SYNDIG1: variants seen among roughly 807,000 people sequenced by gnomAD.
The protein encoded by SYNDIG1 is synapse differentiation-inducing gene protein 1.
Under a neutral mutation model 19.4 loss-of-function variants are expected in SYNDIG1, and 9 were observed. That is an observed-to-expected ratio of 0.46 (90% CI 0.28 to 0.81). The LOEUF is 0.81. SYNDIG1 is among the 30% of genes least tolerant of loss of function. The probability of loss-of-function intolerance (pLI) is 0.12; values close to 1 mark genes in which losing one functional copy is unlikely to be tolerated. For synonymous variants in SYNDIG1, 141 were observed against 145.9 expected (o/e 0.97, Z 0.24); for missense variants, 311 against 343.3 (o/e 0.91, Z 0.74).
At chr20:24,560,131 C>T (rs559019092) in intron 2 of SYNDIG1, among the ~76,000 whole-genome samples, 100 of 126,962 alleles carry the variant, frequency 7.9e-4, no homozygotes, top group African/African-American at 2.3e-3. Context: ...TGCAGTGGCG[C>T]GATCTCAGCT....
intron 2 of SYNDIG1, among the ~76,000 whole-genome samples, chr20:24,557,744 C>G (rs1428091839): frequency 6.6e-6 from 1 of 152,122 alleles, no homozygotes; most frequent in African/African-American, 2.4e-5. Flanking sequence ...TTAGGCTGCT[C>G]GGGGGTCAGG....
chr20:24,614,997 C>T (rs2058907912), intron 3 of SYNDIG1, among the ~76,000 whole-genome samples: 2 of 152,182 alleles, frequency 1.3e-5, no homozygotes, highest in Admixed American at 6.5e-5. Context: ...AATTAACAAG[C>T]TTATGTTTCA....
intron 3 of SYNDIG1, among the ~76,000 whole-genome samples, chr20:24,664,852 G>T (rs575558410): frequency 6.6e-6 from 1 of 152,112 alleles, no homozygotes; most frequent in Non-Finnish European, 1.5e-5. Flanking sequence ...AGTTTCTCTC[G>T]GGGAAATGGG....
intron 1 of SYNDIG1, among the ~76,000 whole-genome samples, chr20:24,488,631 A>G (rs547550406): frequency 6.6e-6 from 1 of 152,354 alleles, no homozygotes; most frequent in African/African-American, 2.4e-5. Context: ...TGGGCATCAC[A>G]TTGGCTCTTG....
chr20:24,485,920 C>T (rs1317243235), intron 1 of SYNDIG1, among the ~76,000 whole-genome samples: 1 of 152,026 alleles, frequency 6.6e-6, no homozygotes, highest in South Asian at 2.1e-4. Flanking sequence ...TGGACAGAGA[C>T]CCCCCCAGGA....
intron 3 of SYNDIG1, among the ~76,000 whole-genome samples, chr20:24,663,676 C>T (rs1238188684): frequency 6.6e-6 from 1 of 152,166 alleles, no homozygotes; most frequent in Non-Finnish European, 1.5e-5. Context: ...CTCATGAGCT[C>T]GGGAAGCCCG....
intron 3 of SYNDIG1, among the ~76,000 whole-genome samples, chr20:24,619,083 A>T (rs1345780938): frequency 1.3e-5 from 2 of 152,200 alleles, no homozygotes; most frequent in Non-Finnish European, 2.9e-5. Flanking sequence ...GCCTCCTGGA[A>T]TTTAAAACTG....
chr20:24,540,520 T>C (rs536190944), intron 1 of SYNDIG1, among the ~76,000 whole-genome samples: 3 of 152,296 alleles, frequency 2.0e-5, no homozygotes, highest in Non-Finnish European at 4.4e-5. Flanking sequence ...AAATATAGCT[T>C]TTATTTTGTT....
chr20:24,618,949 T>A (rs531322077), intron 3 of SYNDIG1, among the ~76,000 whole-genome samples: 165 of 152,336 alleles, frequency 1.1e-3, no homozygotes, highest in African/African-American at 3.9e-3. Context: ...AAAAATATCA[T>A]CAAATAATAT....
At chr20:24,527,825 C>T (rs901318171) in intron 1 of SYNDIG1, among the ~76,000 whole-genome samples, 1 of 152,186 alleles carries the variant, frequency 6.6e-6, no homozygotes, top group Non-Finnish European at 1.5e-5. Context: ...TCCCTTTCCA[C>T]CCTGAGTAAG....
At chr20:24,640,894 G>A (rs2059369586) in intron 3 of SYNDIG1, among the ~76,000 whole-genome samples, 1 of 152,204 alleles carries the variant, frequency 6.6e-6, no homozygotes, top group South Asian at 2.1e-4. Flanking sequence ...CGCATGGGCA[G>A]GTGCCTGCCA....
In SYNDIG1 at chr20:24,593,839, G is replaced by GA. The variant is rs1010108101; in HGVS notation, c.618+8854dup. On this transcript the variant is annotated intron_variant, in intron 3 of 3. Coordinates refer to ENST00000376862, the MANE Select transcript of SYNDIG1 (RefSeq NM_024893.3). ...GTTGGCTGCATGTATGTCTTCTTTT[G>GA]AAAAAAAATCCATCGTGTCCTTTGC... Among the ~76,000 whole-genome samples the GA allele has an allele frequency of 5.8e-4, 88 of 151,752 alleles. 1 individual carries two copies. Among genetic ancestry groups the GA allele is most frequent in the Admixed American group, 4.1e-3 (62 of 15,240 alleles).
chr20:24,666,534 T>C lies in SYNDIG1; in HGVS notation c.*1030T>C, dbSNP rs1001185364. On this transcript the variant is annotated 3_prime_UTR_variant, in exon 4 of 4. Coordinates refer to ENST00000376862, the MANE Select transcript of SYNDIG1 (RefSeq NM_024893.3). The stretch of plus-strand genomic sequence containing the variant: ...GTAATCACAGACATTTTAATACCAT[T>C]TCATTGCTGTTTTACGAGTGTTCAT... 6 of 152,672 alleles carry C rather than the reference T, an allele frequency of 3.9e-5. No homozygotes were observed. Among genetic ancestry groups the C allele is most frequent in the African/African-American group, 1.4e-4 (6 of 41,470 alleles). 9.5% of individuals were successfully genotyped at this position (152,672 alleles called of 1,614,324 possible).
chr20:24,585,056 G>GCCCCCCC, intron 3 of SYNDIG1, 63 bp downstream of exon 3: 5 of 545,648 alleles, frequency 9.2e-6, no homozygotes, highest in East Asian at 5.0e-5. Flanking sequence ...GGTGGGGGCG[G>GCCCCCCC]CAATCCCAGC....
At position 24,548,185 on chromosome 20, in the gene SYNDIG1, G is replaced by A. The variant is rs180922192; in HGVS notation, c.480+4608G>A. On this transcript the variant is annotated intron_variant, in intron 2 of 3. Transcript: ENST00000376862. ...GGGTGTTTCCAAGATCACACACGTG[G>A]CTCTGCTGTCAGCCCTTGGATCTGA... is the stretch of plus-strand genomic sequence containing the variant. Among the ~76,000 whole-genome samples the A allele has an allele frequency of 3.0e-3, 455 of 152,324 alleles. 1 individual carries two copies. Among genetic ancestry groups the A allele is most frequent in the African/African-American group, 0.01 (424 of 41,564 alleles).
chr20:24,656,807 CAGGGCCAGATG>C (rs2059529985), intron 3 of SYNDIG1, among the ~76,000 whole-genome samples: 1 of 152,238 alleles, frequency 6.6e-6, no homozygotes, highest in Non-Finnish European at 1.5e-5. Flanking sequence ...TCTCCCTGGC[CAGGGCCAGATG>C]TTTATCCCCT....
rs943040284 is a variant in SYNDIG1, at chr20:24,525,293, T to C, written c.-78-17727T>C. ...TACATACTTCTTCTTCTTCTTTTTT[T>C]TTTTTTTTTTTTTTTTGAGACAGAG... On this transcript the variant is annotated intron_variant, in intron 1 of 3. Coordinates refer to ENST00000376862, the MANE Select transcript of SYNDIG1 (RefSeq NM_024893.3). Among the ~76,000 whole-genome samples, 323 of 143,486 alleles carry C rather than the reference T, an allele frequency of 2.3e-3. 2 individuals carry two copies. Among genetic ancestry groups the C allele is most frequent in the African/African-American group, 7.7e-3 (303 of 39,116 alleles). 94.1% of individuals were successfully genotyped at this position (143,486 alleles called of 152,430 possible). A position where few individuals can be genotyped will look rare whatever the true frequency, so the allele number is the denominator to read the frequency against.
At chr20:24,500,912 G>A (rs1230955709) in intron 1 of SYNDIG1, among the ~76,000 whole-genome samples, 1 of 152,126 alleles carries the variant, frequency 6.6e-6, no homozygotes, top group Non-Finnish European at 1.5e-5. Flanking sequence ...AGAACTCTGG[G>A]GAAGCCCTGA....
chr20:24,614,678 G>T (rs1041261039), intron 3 of SYNDIG1, among the ~76,000 whole-genome samples: 1 of 152,128 alleles, frequency 6.6e-6, no homozygotes, highest in Non-Finnish European at 1.5e-5. Flanking sequence ...TGGGAGGAAT[G>T]AGCTAACCCT....
Sources: gnomAD v4.1 joint callset for allele counts (sites outside exome capture counted in the v4.1 genomes callset) on GRCh38, gnomAD v4.1.1 for gene constraint, MANE v1.5 for transcripts, NCBI Gene and HGNC (gene_info 2026-07-23, HGNC 2026-07-21) for gene names.